Variants in EIF4G3 observed in about 807,000 individuals in gnomAD.
EIF4G3 encodes the protein eIF-4-gamma 3.
Under a neutral mutation model 186.4 loss-of-function variants are expected in EIF4G3, and 34 were observed. The ratio of observed to expected loss-of-function variants is 0.18; its 90% CI spans 0.14 to 0.24. The LOEUF is 0.24. Among genes scored for constraint, EIF4G3 ranks in the 10% least tolerant of loss-of-function variants. The pLI, the probability that EIF4G3 is intolerant of heterozygous loss-of-function variation, is 1.00. For missense variants in EIF4G3, 1,536 were observed against 1,948.5 expected, an observed-to-expected ratio of 0.79 and a Z score of 3.99; for synonymous variants, 673 against 679.5, an observed-to-expected ratio of 0.99 and a Z score of 0.15.
intron 12 of EIF4G3, among the ~76,000 whole-genome samples, chr1:20,964,294 C>CA (rs1217814636): frequency 6.6e-6 from 1 of 152,156 alleles, no homozygotes; most frequent in Non-Finnish European, 1.5e-5. Context: ...CTAAGTAACA[C>CA]AGTGAAAACC....
At chr1:21,060,754 G>A (rs1281923892) in intron 3 of EIF4G3, among the ~76,000 whole-genome samples, 1 of 146,182 alleles carries the variant, frequency 6.8e-6, no homozygotes, top group Non-Finnish European at 1.5e-5. Context: ...TCACAGCCTG[G>A]TCAACACAGC....
intron 10 of EIF4G3, among the ~76,000 whole-genome samples, chr1:20,979,958 G>A (rs532206135): frequency 6.6e-6 from 1 of 152,192 alleles, no homozygotes; most frequent in Admixed American, 6.5e-5. Context: ...CACCATGTTA[G>A]CCTGGATGGT....
At chr1:21,053,299 G>A (rs1441627434) in intron 3 of EIF4G3, among the ~76,000 whole-genome samples, 2 of 151,336 alleles carry the variant, frequency 1.3e-5, no homozygotes, top group African/African-American at 2.4e-5. Context: ...GAGCCCCTCC[G>A]CCCGGCAGCC....
intron 12 of EIF4G3, among the ~76,000 whole-genome samples, chr1:20,965,180 C>T (rs1247188706): frequency 6.6e-6 from 1 of 152,226 alleles, no homozygotes; most frequent in Non-Finnish European, 1.5e-5. Flanking sequence ...TATGGCCACT[C>T]TTGACAGAGA....
chr1:21,047,962 C>T (rs552304470), intron 4 of EIF4G3, among the ~76,000 whole-genome samples: 4 of 152,252 alleles, frequency 2.6e-5, no homozygotes, highest in African/African-American at 9.6e-5. Context: ...GGGCATTGAA[C>T]CAGGTGTGAT....
intron 34 of EIF4G3, among the ~76,000 whole-genome samples, chr1:20,816,777 A>G (rs2061089146): frequency 1.1e-5 from 1 of 95,146 alleles, no homozygotes; most frequent in Non-Finnish European, 2.2e-5. Context: ...CCATGATGAC[A>G]ATGGCGGTTT....
intron 3 of EIF4G3, among the ~76,000 whole-genome samples, chr1:21,062,212 C>T (rs1014299676): frequency 7.9e-5 from 12 of 151,950 alleles, no homozygotes; most frequent in Non-Finnish European, 1.2e-4. Flanking sequence ...GTGTGTGCCA[C>T]TACACTGGGC....
At chr1:21,053,337 C>T (rs1318538634) in intron 3 of EIF4G3, among the ~76,000 whole-genome samples, 2 of 151,932 alleles carry the variant, frequency 1.3e-5, no homozygotes, top group African/African-American at 2.4e-5. Context: ...AGGAGCGTCT[C>T]CGCCCAGCAG....
chr1:20,848,668 T>G (rs1221390211), intron 29 of EIF4G3, among the ~76,000 whole-genome samples: 1 of 152,230 alleles, frequency 6.6e-6, no homozygotes, highest in African/African-American at 2.4e-5. Flanking sequence ...TGCTTGTTTC[T>G]TTATGCCTCA....
intron 2 of EIF4G3, among the ~76,000 whole-genome samples, chr1:21,143,058 G>C (rs2097367663): frequency 6.6e-6 from 1 of 152,074 alleles, no homozygotes; most frequent in African/African-American, 2.4e-5. Flanking sequence ...AGACCAGCCT[G>C]ACCAACATGA....
chr1:20,887,338 G>A (rs2084522936), intron 18 of EIF4G3, among the ~76,000 whole-genome samples: 1 of 151,830 alleles, frequency 6.6e-6, no homozygotes, highest in Admixed American at 6.6e-5. Context: ...AGGCCCCAAT[G>A]CTGCCCTTTT....
At chr1:20,979,756 C>CTT (rs11370570) in intron 10 of EIF4G3, among the ~76,000 whole-genome samples, 99 of 144,028 alleles carry the variant, frequency 6.9e-4, no homozygotes, top group Non-Finnish European at 8.0e-4. Flanking sequence ...ACTTTTCTGT[C>CTT]TTTTTTTTTT....
intron 24 of EIF4G3, among the ~76,000 whole-genome samples, chr1:20,859,269 C>G (rs2075808224): frequency 6.6e-6 from 1 of 152,178 alleles, no homozygotes; most frequent in African/African-American, 2.4e-5. Flanking sequence ...CCTTTTCCCT[C>G]TCAATCTGGT....
chr1:21,053,711 G>A (rs1190194011), intron 3 of EIF4G3, among the ~76,000 whole-genome samples: 2 of 147,054 alleles, frequency 1.4e-5, no homozygotes, highest in Admixed American at 1.3e-4. Flanking sequence ...CCCCGTCCGG[G>A]AAGGATGTTG....
At chr1:21,172,067 T>C (rs1369523274) in intron 2 of EIF4G3, among the ~76,000 whole-genome samples, 2 of 151,234 alleles carry the variant, frequency 1.3e-5, no homozygotes, top group Non-Finnish European at 2.9e-5. Context: ...AGAAAATACT[T>C]TGAATTTTTA....
At chr1:20,973,617 T>C (rs1281415488) in intron 10 of EIF4G3, among the ~76,000 whole-genome samples, 1 of 152,080 alleles carries the variant, frequency 6.6e-6, no homozygotes, top group Admixed American at 6.5e-5. Flanking sequence ...AATACTGGGG[T>C]GGAAAAAAGG....
chr1:21,176,814 C>T lies in EIF4G3; in HGVS notation c.-548G>A, dbSNP rs1015258744. The T allele has an allele frequency of 2.9e-6, 2 of 701,674 alleles. No individual in the cohort carries two copies. The highest frequency in any genetic ancestry group is 5.2e-6 in the Non-Finnish European group (2 of 384,242). 43.5% of individuals were successfully genotyped at this position (701,674 alleles called of 1,614,324 possible). A position where few individuals can be genotyped will look rare whatever the true frequency, so the allele number is the denominator to read the frequency against. ...GCCCTTCTCGGTAGCGGGGCTCAGGCGATGCCGGTGGATTTTCTTCACTCA... is the reference window on the plus strand; with the variant it reads ...GCCCTTCTCGGTAGCGGGGCTCAGGTGATGCCGGTGGATTTTCTTCACTCA... On this transcript the variant is annotated 5_prime_UTR_variant, in exon 1 of 37. Coordinates refer to ENST00000602326, the MANE Select transcript of EIF4G3 (RefSeq NM_001391906.1).
chr1:20,919,122 T>G (rs1572820517), intron 14 of EIF4G3, among the ~76,000 whole-genome samples: 1 of 152,250 alleles, frequency 6.6e-6, no homozygotes, highest in African/African-American at 2.4e-5. Context: ...TTGTTTTCTT[T>G]TTAACCGACA....
At chr1:20,907,592 C>T (rs1256459307) in intron 14 of EIF4G3, among the ~76,000 whole-genome samples, 1 of 146,816 alleles carries the variant, frequency 6.8e-6, no homozygotes, top group Admixed American at 6.9e-5. Context: ...CTTCCTGTGT[C>T]CATATGTTCT....
Sources: allele counts gnomAD v4.1 joint callset (sites outside exome capture counted in the v4.1 genomes callset), GRCh38; gene constraint gnomAD v4.1.1; transcripts MANE v1.5; gene names NCBI Gene and HGNC (gene_info 2026-07-23, HGNC 2026-07-21).